Variants in SPPL2B observed in about 807,000 individuals in gnomAD.
SPPL2B encodes the protein signal peptide peptidase-like 2B.
SPPL2B carries 39 observed loss-of-function variants against 59.7 expected under a neutral mutation model. The ratio of observed to expected loss-of-function variants is 0.65; its 90% confidence interval spans 0.51 to 0.85. The LOEUF is 0.85. Ranked by LOEUF, SPPL2B falls within the 40% of genes least tolerant of loss-of-function variation. The probability of loss-of-function intolerance (pLI) is 0.00; values close to 1 mark genes in which losing one functional copy is unlikely to be tolerated. For missense variants in SPPL2B, 865 were observed against 849.0 expected, an observed-to-expected ratio of 1.02 and a Z score of -0.23; for synonymous variants, 419 against 370.8, an observed-to-expected ratio of 1.13 and a Z score of -1.49.
chr19:2,328,851 A>G, intron 1 of SPPL2B, 76 bp downstream of exon 1: 1 of 1,243,816 alleles, frequency 8.0e-7, no homozygotes, highest in Admixed American at 4.2e-5. Flanking sequence ...TACGCGCAGG[A>G]ACGACCCCGC....
chr19:2,346,992 A>C (rs75183089), intron 13 of SPPL2B, among the ~76,000 whole-genome samples: 15,834 of 152,186 alleles, frequency 0.1, 1,036 homozygotes, highest in East Asian at 0.22. Flanking sequence ...GCAAATAATT[A>C]ATTTTCTCAG....
intron 7 of SPPL2B, 140 bp downstream of exon 7, chr19:2,340,312 C>A (rs1215366929): frequency 5.6e-6 from 4 of 716,132 alleles, no homozygotes; most frequent in Non-Finnish European, 9.0e-6. Flanking sequence ...CCTGGGGCTC[C>A]TAGGCCCAGG....
chr19:2,331,409 T>TAA (rs1968287000), intron 1 of SPPL2B, among the ~76,000 whole-genome samples: 1 of 152,188 alleles, frequency 6.6e-6, no homozygotes, highest in East Asian at 1.9e-4. Flanking sequence ...TAGCCTGAGC[T>TAA]TTTTCTGCTC....
At chr19:2,337,334 G>T (rs1338561820) in intron 2 of SPPL2B, 109 bp from the exon 3 acceptor site, 2 of 1,098,088 alleles carry the variant, frequency 1.8e-6, no homozygotes, top group South Asian at 1.6e-5. Flanking sequence ...GGGGCTTTAG[G>T]TGAGGGCTGG....
chr19:2,342,961 T>G, intron 8 of SPPL2B: 2 of 508,928 alleles, frequency 3.9e-6, no homozygotes, highest in South Asian at 2.2e-5. Flanking sequence ...GGCTGCCGAG[T>G]GGTGGGCTCC....
Position 2,340,937 on chromosome 19 carries a change from G to T in SPPL2B, c.879G>T (p.Pro293=). The T allele has an allele frequency of 6.2e-7, 1 of 1,602,150 alleles. No individual in the cohort carries two copies. The highest frequency in any genetic ancestry group is 8.5e-7 in the Non-Finnish European group (1 of 1,179,054). ...NNSLPYFHKR[P]QARMLLLALF... ...GCCTGCCCTACTTCCACAAGCGCCC[G>T]CAGGCCCGTATGCTGCTCCTGGCGC... is the stretch of plus-strand genomic sequence containing the variant. Residue 293 remains proline (P), a synonymous_variant, in exon 8 of 15, where the codon CCG becomes CCT. Transcript: ENST00000613503.
intron 13 of SPPL2B, among the ~76,000 whole-genome samples, chr19:2,346,794 C>G (rs1460342467): frequency 6.6e-6 from 1 of 152,202 alleles, no homozygotes; most frequent in Non-Finnish European, 1.5e-5. Flanking sequence ...TTTATAGGTG[C>G]CAGCCCTCCC....
chr19:2,336,718 A>T (rs913643668), intron 2 of SPPL2B, among the ~76,000 whole-genome samples: 1 of 148,650 alleles, frequency 6.7e-6, no homozygotes, highest in Admixed American at 6.7e-5. Context: ...TTGCGTGTGC[A>T]TATGTGTGCC....
Position 2,339,954 on chromosome 19 carries a change from T to G in SPPL2B, c.730T>G (p.Tyr244Asp), listed in dbSNP as rs1332342030. ...CATGCTGGTGCTGCTCTACTATTTCTACGATCTCCTCGGTGCGCGGCCCCG... is the reference window on the plus strand; with the variant it reads ...CATGCTGGTGCTGCTCTACTATTTCGACGATCTCCTCGGTGCGCGGCCCCG... ...CSMLVLLYYF[Y>D]DLLVYVVIGI... The change falls in exon 6 of 15, where the codon TAC (tyrosine) becomes GAC (aspartate). Residue 244 changes from tyrosine (Y) to aspartate (D), a missense_variant. Tyr to Asp is a radical substitution (Grantham distance 160). Coordinates refer to ENST00000613503, the MANE Select transcript of SPPL2B (RefSeq NM_152988.3). The G allele has an allele frequency of 6.4e-7, 1 of 1,554,538 alleles. No individual in the cohort carries two copies. Among genetic ancestry groups the G allele is most frequent in the African/African-American group, 1.4e-5 (1 of 73,198 alleles).
At chr19:2,345,999 C>T (rs965595719) in intron 13 of SPPL2B, among the ~76,000 whole-genome samples, 2 of 152,236 alleles carry the variant, frequency 1.3e-5, no homozygotes, top group African/African-American at 4.8e-5. Context: ...CTTTTCTTTT[C>T]CTTTTCTTTC....
intron 13 of SPPL2B, among the ~76,000 whole-genome samples, chr19:2,350,764 G>A (rs1323379837): frequency 1.3e-5 from 2 of 152,240 alleles, no homozygotes; most frequent in African/African-American, 2.4e-5. Flanking sequence ...GGCAGGACGC[G>A]GGTGGGTTCT....
At position 2,344,443 on chromosome 19, in the gene SPPL2B, G is replaced by A. The variant is rs779656001; in HGVS notation, c.1176+19G>A. On this transcript the variant is annotated intron_variant, in intron 11 of 14. Transcript: ENST00000613503. ...TGAGAAGGTGTGTCTTCTGACTGCA[G>A]GGTCTCAGGTTGCCATGGGTCAAGG... 3.2e-6 allele frequency: 5 copies of A among 1,571,200 alleles called. No homozygotes were observed. The South Asian group carries it at 5.8e-5, about 18-fold the overall frequency.
At chr19:2,340,800 ACT>A in intron 7 of SPPL2B, 96 bp from the exon 8 acceptor site, 1 of 670,662 alleles carries the variant, frequency 1.5e-6, no homozygotes, top group Non-Finnish European at 2.5e-6. Context: ...GGGGGCTGCC[ACT>A]CTGCAGGGGG....
intron 1 of SPPL2B, among the ~76,000 whole-genome samples, chr19:2,329,664 C>T (rs1461840429): frequency 2.6e-5 from 4 of 152,140 alleles, no homozygotes; most frequent in Non-Finnish European, 2.9e-5. Flanking sequence ...GCTCCTCAGT[C>T]TCCACTCCTC....
At chr19:2,341,244 G>T (rs1041176219) in intron 8 of SPPL2B, 1 of 676,286 alleles carries the variant, frequency 1.5e-6, no homozygotes, top group Non-Finnish European at 2.7e-6. Flanking sequence ...CGGGAGGAGA[G>T]GCCGGAGCCC....
chr19:2,349,058 C>T (rs1969710077), intron 13 of SPPL2B, among the ~76,000 whole-genome samples: 1 of 131,830 alleles, frequency 7.6e-6, no homozygotes, highest in East Asian at 2.4e-4. Flanking sequence ...CTCTCATTCG[C>T]TTGATTCCGT....
chr19:2,335,599 C>T (rs1311315807), intron 2 of SPPL2B, among the ~76,000 whole-genome samples: 1 of 141,958 alleles, frequency 7.0e-6, no homozygotes, highest in Non-Finnish European at 1.5e-5. Context: ...CACCACACCC[C>T]TCTGTCCCTG....
intron 9 of SPPL2B, 87 bp from the exon 10 acceptor site, chr19:2,343,878 C>A: frequency 9.5e-7 from 1 of 1,051,682 alleles, no homozygotes; most frequent in East Asian, 2.6e-5. Context: ...AAGGCTGCCT[C>A]CCAGGAGGAG....
At position 2,353,059 on chromosome 19, in the gene SPPL2B, C is replaced by T. The variant is rs1191923740; in HGVS notation, c.1629C>T (p.Ser543=). ...CGCCCAGCGAAGAACCAGCCACATC[C>T]CCCTGGCCTGCTGAGCAGTCCCCAA... ...PQPPSEEPAT[S]PWPAEQSPKS... The change falls in exon 15 of 15, where the codon TCC becomes TCT. Residue 543 remains serine, a synonymous_variant. Coordinates refer to ENST00000613503, the MANE Select transcript of SPPL2B (RefSeq NM_152988.3). 3.1e-6 allele frequency: 5 copies of T among 1,611,996 alleles called. No homozygotes were observed. In the African/African-American group the frequency reaches 4.0e-5, roughly 13 times the overall value.
Sources: gnomAD v4.1 joint callset for allele counts (sites outside exome capture counted in the v4.1 genomes callset) on GRCh38, gnomAD v4.1.1 for gene constraint, MANE v1.5 for transcripts, NCBI Gene and HGNC (gene_info 2026-07-23, HGNC 2026-07-21) for gene names.